GRID2: variants seen among roughly 807,000 people sequenced by gnomAD.
GRID2 encodes glutamate ionotropic receptor delta type subunit 2.
In GRID2, 33 loss-of-function variants were observed where a neutral mutation model predicts 114.8. That is an observed-to-expected ratio of 0.29 (90% CI 0.22 to 0.38). The LOEUF is 0.38. Among genes scored for constraint, GRID2 ranks in the 10% least tolerant of loss-of-function variants. The pLI, the probability that GRID2 is intolerant of heterozygous loss-of-function variation, is 1.00. For synonymous variants in GRID2, 505 were observed against 449.9 expected, an observed-to-expected ratio of 1.12 and a Z score of -1.55; for missense variants, 1,184 against 1,257.7, an observed-to-expected ratio of 0.94 and a Z score of 0.89.
chr4:93,664,043 T>C (rs1269594316), intron 14 of GRID2, among the ~76,000 whole-genome samples: 2 of 152,170 alleles, frequency 1.3e-5, no homozygotes, highest in Admixed American at 1.3e-4. Context: ...TATACAGTGG[T>C]CAAGGATAAA....
In GRID2 at chr4:92,316,741, CA is replaced by C. The variant is rs202198740; in HGVS notation, c.88+11998del. Among the ~76,000 whole-genome samples, 470 of 152,152 alleles carry C rather than the reference CA, an allele frequency of 3.1e-3. 4 individuals carry two copies. The East Asian group carries it at 0.037, about 12-fold the overall frequency. On this transcript the variant is annotated intron_variant, in intron 1 of 15. Coordinates refer to ENST00000282020, the MANE Select transcript of GRID2 (RefSeq NM_001510.4). Reference sequence around the variant, plus strand: ...GAGATTGTGATAATTCAATAAATGCCATTTTTATAGTAGCCTAAAGGTGCCA... The same window carrying C: ...GAGATTGTGATAATTCAATAAATGCCTTTTTATAGTAGCCTAAAGGTGCCA...
At chr4:92,621,367 T>G (rs969785254) in intron 2 of GRID2, among the ~76,000 whole-genome samples, 3 of 151,860 alleles carry the variant, frequency 2.0e-5, no homozygotes, top group Non-Finnish European at 2.9e-5. Flanking sequence ...AGAAACTCAT[T>G]GGCAACTATT....
intron 1 of GRID2, among the ~76,000 whole-genome samples, chr4:92,335,290 T>TG (rs1431870020): frequency 6.6e-6 from 1 of 152,196 alleles, no homozygotes; most frequent in Non-Finnish European, 1.5e-5. Context: ...TTTAGACACT[T>TG]GCTGTGTGAC....
intron 2 of GRID2, among the ~76,000 whole-genome samples, chr4:92,725,488 C>T (rs1736025470): frequency 1.3e-5 from 2 of 152,196 alleles, no homozygotes; most frequent in Admixed American, 6.5e-5. Context: ...TACTTGAAGT[C>T]TCATTCAGTT....
intron 12 of GRID2, among the ~76,000 whole-genome samples, chr4:93,512,929 AT>A (rs1330455095): frequency 6.6e-6 from 1 of 152,144 alleles, no homozygotes. Context: ...AGGAGCACTA[AT>A]TTATTTAGCA....
At chr4:92,420,202 G>C (rs1429638931) in intron 1 of GRID2, among the ~76,000 whole-genome samples, 3 of 152,078 alleles carry the variant, frequency 2.0e-5, no homozygotes, top group South Asian at 2.1e-4. Context: ...CTTTGCTAGA[G>C]AGCATGTATA....
At position 92,620,784 on chromosome 4, in the gene GRID2, G is replaced by A. The variant is rs148926707; in HGVS notation, c.244+30498G>A. Among the ~76,000 whole-genome samples the A allele has an allele frequency of 8.0e-3, 1,204 of 150,942 alleles. 20 individuals are homozygous for A. The highest frequency in any genetic ancestry group is 0.028 in the African/African-American group (1,160 of 41,226). ...AGGAAGTGGAACATCACACACCGGG[G>A]ACTGTTGTGGGGTGGGGGGAGTGGG... On this transcript the variant is annotated intron_variant, in intron 2 of 15. Coordinates refer to ENST00000282020, the MANE Select transcript of GRID2 (RefSeq NM_001510.4).
At chr4:93,374,365 G>A (rs1048644892) in intron 8 of GRID2, among the ~76,000 whole-genome samples, 1 of 152,094 alleles carries the variant, frequency 6.6e-6, no homozygotes, top group African/African-American at 2.4e-5. Context: ...GTTGTTTCAA[G>A]CTTAATAACA....
At chr4:93,106,222 T>C (rs1732215256) in intron 3 of GRID2, among the ~76,000 whole-genome samples, 1 of 152,220 alleles carries the variant, frequency 6.6e-6, no homozygotes, top group Non-Finnish European at 1.5e-5. Context: ...ATATTCTTTA[T>C]TTTGGAAACA....
chr4:93,569,471 A>G (rs1735735002), intron 13 of GRID2, among the ~76,000 whole-genome samples: 1 of 152,086 alleles, frequency 6.6e-6, no homozygotes, highest in Non-Finnish European at 1.5e-5. Context: ...AAGCTTCCAT[A>G]ATTTTACCTG....
intron 2 of GRID2, among the ~76,000 whole-genome samples, chr4:93,009,873 A>G (rs1207825224): frequency 6.6e-6 from 1 of 152,040 alleles, no homozygotes; most frequent in South Asian, 2.1e-4. Context: ...TGATTCTTCA[A>G]AGTCCTCCTG....
chr4:93,014,995 T>C (rs1362146126), intron 2 of GRID2, among the ~76,000 whole-genome samples: 1 of 151,968 alleles, frequency 6.6e-6, no homozygotes, highest in African/African-American at 2.4e-5. Context: ...GGCAGAGGGA[T>C]GGGAAGAAAG....
At chr4:92,659,488 G>T (rs1288655887) in intron 2 of GRID2, among the ~76,000 whole-genome samples, 1 of 151,460 alleles carries the variant, frequency 6.6e-6, no homozygotes, top group Non-Finnish European at 1.5e-5. Context: ...AGCACTCAAA[G>T]ATAATTTTAT....
intron 2 of GRID2, among the ~76,000 whole-genome samples, chr4:92,907,472 C>T (rs1016708172): frequency 1.1e-4 from 17 of 152,132 alleles, no homozygotes; most frequent in Admixed American, 6.5e-4. Flanking sequence ...AGTGCAATGG[C>T]GCGATCTTGG....
chr4:93,752,450 A>C (rs541417382), intron 14 of GRID2, among the ~76,000 whole-genome samples: 213 of 152,164 alleles, frequency 1.4e-3, no homozygotes, highest in African/African-American at 4.9e-3. Context: ...GGCTCACTGC[A>C]AGCTCCGCCT....
chr4:93,772,616 A>G lies in GRID2; in HGVS notation c.*118A>G. On this transcript the variant is annotated 3_prime_UTR_variant, in exon 16 of 16. Coordinates refer to ENST00000282020, the MANE Select transcript of GRID2 (RefSeq NM_001510.4). Reference sequence around the variant, plus strand: ...AAAAAAAAGATCAGGATTATTAGTAACAATTCTAGTTTTTTCCTCCCACCT... The same window carrying G: ...AAAAAAAAGATCAGGATTATTAGTAGCAATTCTAGTTTTTTCCTCCCACCT... The G allele has an allele frequency of 1.4e-6, 1 of 718,738 alleles. No homozygotes were observed. The highest frequency in any genetic ancestry group is 2.8e-5 in the East Asian group (1 of 36,328). The allele number at this position is 718,738 out of a possible 1,614,324, so 44.5% of individuals were successfully genotyped here.
intron 2 of GRID2, among the ~76,000 whole-genome samples, chr4:92,971,317 A>G (rs1753500778): frequency 6.6e-6 from 1 of 152,090 alleles, no homozygotes; most frequent in Non-Finnish European, 1.5e-5. Context: ...AATTACATAT[A>G]TTTAGTACAG....
chr4:93,498,884 G>A (rs1030132163), intron 12 of GRID2, among the ~76,000 whole-genome samples: 2 of 151,840 alleles, frequency 1.3e-5, no homozygotes, highest in Non-Finnish European at 2.9e-5. Context: ...GTCTTTGACC[G>A]TTAGGTATGA....
At chr4:92,362,838 A>T (rs1164906118) in intron 1 of GRID2, among the ~76,000 whole-genome samples, 1 of 151,986 alleles carries the variant, frequency 6.6e-6, no homozygotes, top group Non-Finnish European at 1.5e-5. Context: ...TAATTGTGTC[A>T]TTGTATATAT....
Sources: gnomAD v4.1 joint callset for allele counts (sites outside exome capture counted in the v4.1 genomes callset) on GRCh38, gnomAD v4.1.1 for gene constraint, MANE v1.5 for transcripts, NCBI Gene and HGNC (gene_info 2026-07-23, HGNC 2026-07-21) for gene names.